Variants in CACNA2D3 observed in about 807,000 individuals in gnomAD.
The protein encoded by CACNA2D3 is calcium voltage-gated channel auxiliary subunit alpha2delta 3, also known as voltage-dependent calcium channel subunit alpha-2/delta-3.
A neutral mutation model predicts 160.6 loss-of-function variants in CACNA2D3; 60 were observed. That is an observed-to-expected ratio of 0.37 (90% CI 0.30 to 0.46). The LOEUF (loss-of-function observed/expected upper bound fraction) is 0.46, where lower values mean the gene tolerates loss of function less well. Ranked by LOEUF, CACNA2D3 falls within the 20% of genes least tolerant of loss-of-function variation. CACNA2D3 has a pLI of 1.00. For synonymous variants in CACNA2D3, 558 were observed against 492.9 expected (o/e 1.13, Z -1.75); for missense variants, 1,205 against 1,365.0 (o/e 0.88, Z 1.85).
At chr3:54,303,411 T>C (rs1703523548) in intron 2 of CACNA2D3, among the ~76,000 whole-genome samples, 1 of 152,224 alleles carries the variant, frequency 6.6e-6, no homozygotes, top group African/African-American at 2.4e-5. Flanking sequence ...GTTTGTTTAC[T>C]AAGAAGAAAT....
intron 5 of CACNA2D3, among the ~76,000 whole-genome samples, chr3:54,535,458 A>G (rs1027771342): frequency 1.3e-5 from 2 of 152,354 alleles, no homozygotes; most frequent in South Asian, 2.1e-4. Context: ...CTATAAAAGC[A>G]TAAGTTTTTC....
chr3:54,614,581 C>G (rs1698809984), intron 9 of CACNA2D3, among the ~76,000 whole-genome samples: 1 of 152,104 alleles, frequency 6.6e-6, no homozygotes, highest in African/African-American at 2.4e-5. Context: ...TTATTTTTTT[C>G]TCTTCCTCCT....
intron 27 of CACNA2D3, among the ~76,000 whole-genome samples, chr3:54,934,761 G>A (rs1016126018): frequency 1.2e-4 from 18 of 152,098 alleles, no homozygotes; most frequent in Non-Finnish European, 2.2e-4. Context: ...GAGACAGAGT[G>A]TCACCTGTTG....
intron 4 of CACNA2D3, 137 bp downstream of exon 4, chr3:54,386,911 T>C: frequency 1.3e-6 from 1 of 762,550 alleles, no homozygotes; most frequent in South Asian, 2.0e-5. Flanking sequence ...GTTGGAATCT[T>C]TGACAGGATT....
intron 12 of CACNA2D3, 62 bp downstream of exon 12, chr3:54,752,739 T>G: frequency 8.4e-7 from 1 of 1,183,946 alleles, no homozygotes; most frequent in South Asian, 1.3e-5. Flanking sequence ...GAATTAGGAA[T>G]ATTCATGAGA....
intron 2 of CACNA2D3, among the ~76,000 whole-genome samples, chr3:54,298,789 A>C (rs1343238782): frequency 6.8e-6 from 1 of 147,658 alleles, no homozygotes; most frequent in South Asian, 2.3e-4. Context: ...GCCTAGAAGG[A>C]AAGTGGAGGC....
At chr3:54,784,434 G>A (rs1702595385) in intron 13 of CACNA2D3, among the ~76,000 whole-genome samples, 1 of 152,022 alleles carries the variant, frequency 6.6e-6, no homozygotes, top group Non-Finnish European at 1.5e-5. Flanking sequence ...CCGTGACATT[G>A]TCAGACTTTT....
chr3:54,691,273 C>T (rs1222875253), intron 11 of CACNA2D3, among the ~76,000 whole-genome samples: 2 of 152,196 alleles, frequency 1.3e-5, no homozygotes, highest in Non-Finnish European at 2.9e-5. Context: ...CAGTGTGGCC[C>T]TACATTGCAC....
At chr3:54,401,065 A>C (rs1253313817) in intron 4 of CACNA2D3, among the ~76,000 whole-genome samples, 4 of 152,130 alleles carry the variant, frequency 2.6e-5, no homozygotes, top group African/African-American at 9.7e-5. Context: ...AACCAAATAA[A>C]AATCTTGGAG....
chr3:54,406,515 A>G lies in CACNA2D3; in HGVS notation c.381+19741A>G, dbSNP rs114093413. Among the ~76,000 whole-genome samples, 373 of 152,302 alleles carry G rather than the reference A, an allele frequency of 2.4e-3. 1 individual carries two copies. Among genetic ancestry groups the G allele is most frequent in the African/African-American group, 8.2e-3 (340 of 41,576 alleles). On this transcript the variant is annotated intron_variant, in intron 4 of 37. Transcript: ENST00000474759. ...GGTCTTAACATTTGCTACAACATGG[A>G]CAAATGGGGAGGACATTATGCTAAG...
At chr3:54,357,310 T>C (rs1256037755) in intron 3 of CACNA2D3, among the ~76,000 whole-genome samples, 1 of 152,208 alleles carries the variant, frequency 6.6e-6, no homozygotes, top group African/African-American at 2.4e-5. Flanking sequence ...TCGAGCATAT[T>C]GAATATCAAA....
chr3:54,570,100 T>C lies in CACNA2D3; in HGVS notation c.884T>C (p.Ile295Thr). Residue 295 changes from isoleucine (I) to threonine (T), a missense_variant, in exon 8 of 38, where the codon ATT becomes ACT. Ile to Thr is a moderately conservative substitution (Grantham distance 89). Around this residue, in one of 3 missense-constraint regions of CACNA2D3, gnomAD observed 911 missense variants for 1,002.2 expected, o/e 0.91. Transcript: ENST00000474759. Reference protein sequence around the residue: ...TLGDDDFFNIIAYNEELHYVE... With the variant: ...TLGDDDFFNITAYNEELHYVE... ...GGGGATGATGACTTCTTCAACATAA[T>C]TGCTGTGAGTGCACCGTTTTGTGCC... The C allele has an allele frequency of 6.2e-7, 1 of 1,612,972 alleles. No homozygotes were observed. Among genetic ancestry groups the C allele is most frequent in the Non-Finnish European group, 8.5e-7 (1 of 1,179,114 alleles).
chr3:54,287,287 G>T (rs1026645282), intron 2 of CACNA2D3, among the ~76,000 whole-genome samples: 51 of 152,118 alleles, frequency 3.4e-4, no homozygotes, highest in African/African-American at 1.2e-3. Flanking sequence ...CCTAGTCTCT[G>T]ATAAAAGACT....
At chr3:54,807,510 A>AT (rs1235618177) in intron 13 of CACNA2D3, among the ~76,000 whole-genome samples, 2 of 152,118 alleles carry the variant, frequency 1.3e-5, no homozygotes, top group Non-Finnish European at 2.9e-5. Context: ...ATGAGATACC[A>AT]TCTCACACCA....
At chr3:54,138,507 C>T (rs181914600) in intron 2 of CACNA2D3, among the ~76,000 whole-genome samples, 10 of 152,302 alleles carry the variant, frequency 6.6e-5, no homozygotes, top group East Asian at 1.9e-4. Context: ...CCACTGCATC[C>T]GGTGTTTGTT....
At position 54,361,829 on chromosome 3, in the gene CACNA2D3, G is replaced by C. The variant is rs772925005; in HGVS notation, c.322-24886G>C. On this transcript the variant is annotated intron_variant, in intron 3 of 37. Coordinates refer to ENST00000474759, the MANE Select transcript of CACNA2D3 (RefSeq NM_018398.3). ...GAGAGGATCTAAGAGATGCAAGCTA[G>C]TTTTTGAAGTGACAGGCAGCTCCTT... is the stretch of plus-strand genomic sequence containing the variant. 5.9e-5 allele frequency among the ~76,000 whole-genome samples: 9 copies of C among 152,310 alleles called. No individual in the cohort carries two copies. The East Asian group carries it at 1.5e-3, about 26-fold the overall frequency.
intron 11 of CACNA2D3, among the ~76,000 whole-genome samples, chr3:54,717,149 T>C (rs1701065844): frequency 6.6e-6 from 1 of 152,182 alleles, no homozygotes; most frequent in Non-Finnish European, 1.5e-5. Flanking sequence ...TTTGAGATGC[T>C]GTGTGTGCCA....
At chr3:54,204,933 GT>G (rs1376410781) in intron 2 of CACNA2D3, among the ~76,000 whole-genome samples, 1 of 150,832 alleles carries the variant, frequency 6.6e-6, no homozygotes, top group Non-Finnish European at 1.5e-5. Context: ...AGAACAGAAA[GT>G]TTTTTAGAAA....
chr3:54,613,561 T>C (rs777840952), intron 9 of CACNA2D3, among the ~76,000 whole-genome samples: 1 of 152,228 alleles, frequency 6.6e-6, no homozygotes, highest in Non-Finnish European at 1.5e-5. Context: ...GAAGGCTTTC[T>C]ATCCCATATT....
Sources: allele counts gnomAD v4.1 joint callset (sites outside exome capture counted in the v4.1 genomes callset), GRCh38; gene constraint gnomAD v4.1.1; regional missense constraint gnomAD v4.1.1; transcripts MANE v1.5; gene names NCBI Gene and HGNC (gene_info 2026-07-23, HGNC 2026-07-21).